The following TJAP1 variants were observed in gnomAD, a reference collection of about 807,000 sequenced individuals.
TJAP1 encodes tight junction associated protein 1.
A neutral mutation model predicts 42.0 loss-of-function variants in TJAP1; 27 were observed. The ratio of observed to expected loss-of-function variants is 0.64; its 90% CI spans 0.47 to 0.89. TJAP1 has a LOEUF of 0.89. Among genes scored for constraint, TJAP1 ranks in the 40% least tolerant of loss-of-function variants. The pLI, the probability that TJAP1 is intolerant of heterozygous loss-of-function variation, is 0.00. For synonymous variants in TJAP1, 257 were observed against 288.4 expected (o/e 0.89, Z 1.10); for missense variants, 712 against 726.9 (o/e 0.98, Z 0.24).
At position 43,483,102 on chromosome 6, in the gene TJAP1, A is replaced by G. The variant is rs543864481; in HGVS notation, c.-122+4870A>G. Among the ~76,000 whole-genome samples the G allele has an allele frequency of 3.9e-5, 6 of 152,148 alleles. 1 individual carries two copies. The highest frequency in any genetic ancestry group is 1.4e-4 in the African/African-American group (6 of 41,512). On this transcript the variant is annotated intron_variant, in intron 2 of 10. Coordinates refer to ENST00000372449, the Ensembl canonical transcript of TJAP1. ...GTGCCATTGCACTCCAAACTGGGCA[A>G]CAGAGCAAGACTCCATCTCAATAAA...
At chr6:43,501,927 A>ACACACTCTCTCT (rs1427610297) in intron 6 of TJAP1, among the ~76,000 whole-genome samples, 1 of 71,596 alleles carries the variant, frequency 1.4e-5, no homozygotes, top group African/African-American at 7.1e-5. Context: ...ACACACACAC[A>ACACACTCTCTCT]CTCTCTCTCT....
chr6:43,502,376 T>A (rs749143604), intron 7 of TJAP1, 27 bp downstream of exon 7: 2 of 1,611,000 alleles, frequency 1.2e-6, no homozygotes, highest in Non-Finnish European at 1.7e-6. Context: ...GGCAGCTTGG[T>A]GGGCACTGTG....
chr6:43,501,618 A>G, exon 6 of TJAP1: 12 of 1,610,716 alleles, frequency 7.5e-6, no homozygotes, highest in Non-Finnish European at 1.0e-5. Context: ...GAAATTGGGC[A>G]GGACTGCCTG....
chr6:43,504,592 A>T, intron 10 of TJAP1, 169 bp from the exon 11 acceptor site: 1 of 856,536 alleles, frequency 1.2e-6, no homozygotes, highest in Non-Finnish European at 1.8e-6. Flanking sequence ...CTCCAGGCCT[A>T]TGTGTCTGTG....
Position 43,505,254 on chromosome 6 carries a change from T to C in TJAP1, c.1073T>C (p.Ile358Thr), listed in dbSNP as rs961697642. ...TGCACTTACGCTACCCGCCAGGCCA[T>C]TTCCCTGAGCCTGGTAGAGGAGGGG... Residue 358 changes from isoleucine (I) to threonine (T), a missense_variant, in exon 11 of 11, where the codon ATT (isoleucine) becomes ACT (threonine). By Grantham distance (89) the Ile-to-Thr change is moderately conservative (BLOSUM62 -1). Around this residue, in one of 3 missense-constraint regions of TJAP1, gnomAD observed 549 missense variants for 528.2 expected, o/e 1.04. Coordinates refer to ENST00000372449, the Ensembl canonical transcript of TJAP1. The surrounding 1 kb of genome is among the most constrained non-coding windows in gnomAD (Gnocchi z 5.5). 27 of 1,613,728 alleles carry C rather than the reference T, an allele frequency of 1.7e-5. No individual in the cohort carries two copies. The highest frequency in any genetic ancestry group is 2.1e-5 in the Non-Finnish European group (25 of 1,179,942).
At chr6:43,490,317 C>T (rs1305682535) in intron 2 of TJAP1, among the ~76,000 whole-genome samples, 1 of 152,236 alleles carries the variant, frequency 6.6e-6, no homozygotes, top group Non-Finnish European at 1.5e-5. Context: ...CTTCACTTCT[C>T]CCTTCATACA....
rs201751019 is a variant in TJAP1, at chr6:43,501,482, A to C, written c.129-44A>C. 17 of 1,563,494 alleles carry C rather than the reference A, an allele frequency of 1.1e-5. No homozygotes were observed. The East Asian group carries it at 2.3e-4, about 21-fold the overall frequency. On this transcript the variant is annotated intron_variant, in intron 5 of 10. Coordinates refer to ENST00000372449, the Ensembl canonical transcript of TJAP1. ...CTGGAGCTCCAGGGCATGCCCTTCT[A>C]TCTCTCATACCCCTCTGCCCTTGAT...
intron 2 of TJAP1, among the ~76,000 whole-genome samples, chr6:43,481,482 ACC>A (rs60749220): frequency 1.6e-5 from 2 of 123,804 alleles, no homozygotes; most frequent in African/African-American, 5.6e-5. Flanking sequence ...GCAAGACATC[ACC>A]CCCCCCCCAA....
Position 43,495,013 on chromosome 6 carries a change from G to A in TJAP1, c.-121-2868G>A, listed in dbSNP as rs1788792725. Among the ~76,000 whole-genome samples, 1 of 152,240 alleles carries A rather than the reference G, an allele frequency of 6.6e-6. No individual in the cohort carries two copies. The highest frequency in any genetic ancestry group is 1.5e-5 in the Non-Finnish European group (1 of 68,040). On this transcript the variant is annotated intron_variant, in intron 2 of 10. Coordinates refer to ENST00000372449, the Ensembl canonical transcript of TJAP1. This position sits in a 1 kb window ranked among gnomAD's most constrained non-coding sequence, Gnocchi z 4.6. Reference sequence around the variant, plus strand: ...CTCATCATGGGCCATGGCCCATTCTGAGCTGTCCAGCTGCTCTCCTTAGGG... The same window carrying A: ...CTCATCATGGGCCATGGCCCATTCTAAGCTGTCCAGCTGCTCTCCTTAGGG...
At chr6:43,489,559 G>A (rs969873227) in intron 2 of TJAP1, 2 of 152,560 alleles carry the variant, frequency 1.3e-5, no homozygotes, top group Non-Finnish European at 1.5e-5. Context: ...AGCTGCAGCT[G>A]TGGGTGGCTT....
chr6:43,490,002 G>T (rs1562250328), intron 2 of TJAP1, among the ~76,000 whole-genome samples: 1 of 152,230 alleles, frequency 6.6e-6, no homozygotes, highest in Non-Finnish European at 1.5e-5. Flanking sequence ...AGGAGAGCTG[G>T]CTGGTTGGGG....
In TJAP1 at chr6:43,505,033, C is replaced by T. The variant is rs377003476; in HGVS notation, c.852C>T (p.Thr284=). ...GTCCCCCGGCCCCTGGCAGCCCCACCCCACAACCCAATGGGGAGTGCCACT... is the reference window on the plus strand; with the variant it reads ...GTCCCCCGGCCCCTGGCAGCCCCACTCCACAACCCAATGGGGAGTGCCACT... Residue 284 remains threonine, a synonymous_variant, in exon 11 of 11, where the codon ACC becomes ACT. Transcript: ENST00000372449. This position sits in a 1 kb window ranked among gnomAD's most constrained non-coding sequence, Gnocchi z 5.5. 28 of 1,614,066 alleles carry T rather than the reference C, an allele frequency of 1.7e-5. No individual in the cohort carries two copies. In the South Asian group the frequency reaches 2.3e-4, roughly 13 times the overall value.
chr6:43,499,106 C>A lies in TJAP1; in HGVS notation c.99+6C>A. 6.2e-7 allele frequency: 1 copy of A among 1,613,454 alleles called. No homozygotes were observed. The highest frequency in any genetic ancestry group is 1.1e-5 in the South Asian group (1 of 91,076). ...GATCCCGGCTTGAGCAGGAGGTCAG[C>A]AAGACTGGTATCACAGCCTGACCGG... On this transcript the variant is annotated splice_donor_region_variant and intron_variant, in intron 4 of 10. Transcript: ENST00000372449.
intron 8 of TJAP1, 115 bp from the exon 9 acceptor site, chr6:43,503,286 C>T (rs143856696): frequency 1.6e-5 from 12 of 734,580 alleles, no homozygotes; most frequent in Admixed American, 1.5e-4. Context: ...CTGCTCTGTC[C>T]GCCTTGGCTG....
At position 43,494,344 on chromosome 6, in the gene TJAP1, G is replaced by T. The variant is rs557937030; in HGVS notation, c.-121-3537G>T. 5.9e-5 allele frequency among the ~76,000 whole-genome samples: 9 copies of T among 152,310 alleles called. No individual in the cohort carries two copies. In the South Asian group the frequency reaches 1.9e-3, roughly 32 times the overall value. ...GGGTAGGATGCAGCAGGGGCAGGGAGGGTTGAGGAGAGTCCCTTTTCCTTC... is the reference window on the plus strand; with the variant it reads ...GGGTAGGATGCAGCAGGGGCAGGGATGGTTGAGGAGAGTCCCTTTTCCTTC... On this transcript the variant is annotated intron_variant, in intron 2 of 10. Coordinates refer to ENST00000372449, the Ensembl canonical transcript of TJAP1.
Position 43,500,685 on chromosome 6 carries a change from G to A in TJAP1, c.100-59G>A, listed in dbSNP as rs533333195. 49 of 1,609,144 alleles carry A rather than the reference G, an allele frequency of 3.0e-5. No homozygotes were observed. The Middle Eastern group carries it at 9.9e-4, about 33-fold the overall frequency. ...GCCTTCTTGTGGCTATTTGGAGGGT[G>A]AGCCAGCCGGGGGTCCAGTGGTCCA... On this transcript the variant is annotated intron_variant, in intron 4 of 10. Transcript: ENST00000372449.
intron 2 of TJAP1, among the ~76,000 whole-genome samples, chr6:43,489,971 C>T (rs1212727379): frequency 6.6e-6 from 1 of 152,200 alleles, no homozygotes; most frequent in Non-Finnish European, 1.5e-5. Flanking sequence ...TGCCATGAGT[C>T]TGTCGCTAAC....
chr6:43,490,979 G>T (rs1284287339), intron 2 of TJAP1, among the ~76,000 whole-genome samples: 1 of 152,180 alleles, frequency 6.6e-6, no homozygotes. Flanking sequence ...TTGTTTCCTG[G>T]TGTTCCACAC....
rs767085594 is a variant in TJAP1, at chr6:43,502,076, A to ACACACTCTCT, written c.291-206_291-205insACACTCTCTC. On this transcript the variant is annotated intron_variant, in intron 6 of 10. Transcript: ENST00000372449. ...CACACACACACACACACACACACAC[A>ACACACTCTCT]CTCTCTCTCTCTCTCTCTCTCTCTC... 6.3e-3 allele frequency among the ~76,000 whole-genome samples: 436 copies of ACACACTCTCT among 68,958 alleles called. 54 individuals are homozygous for ACACACTCTCT. The highest frequency in any genetic ancestry group is 0.019 in the African/African-American group (251 of 13,118). The allele number at this position is 68,958 out of a possible 152,430, so 45.2% of individuals were successfully genotyped here. A position where few individuals can be genotyped will look rare whatever the true frequency, so the allele number is the denominator to read the frequency against.
Sources: allele counts gnomAD v4.1 joint callset (sites outside exome capture counted in the v4.1 genomes callset), GRCh38; gene constraint gnomAD v4.1.1; regional missense constraint gnomAD v4.1.1; non-coding constraint Gnocchi (gnomAD v3.1); transcripts MANE v1.5; gene names NCBI Gene and HGNC (gene_info 2026-07-23, HGNC 2026-07-21).